Variants in CRYBG1 observed in about 807,000 individuals in gnomAD.
CRYBG1 encodes crystallin beta-gamma domain containing 1.
CRYBG1 carries 139 observed loss-of-function variants against 189.2 expected under a neutral mutation model. That is an observed-to-expected ratio of 0.73 (90% CI 0.64 to 0.85). The LOEUF (loss-of-function observed/expected upper bound fraction) is 0.85. Among genes scored for constraint, CRYBG1 ranks in the 40% least tolerant of loss-of-function variants. The probability of loss-of-function intolerance (pLI) is 0.00; values close to 1 mark genes in which losing one functional copy is unlikely to be tolerated. For missense variants in CRYBG1, 2,611 were observed against 2,675.8 expected (o/e 0.98, Z 0.53); for synonymous variants, 1,023 against 1,017.1 (o/e 1.01, Z -0.11).
At chr6:106,363,859 GCAAAAACCT>G (rs1771928043) in intron 1 of CRYBG1, among the ~76,000 whole-genome samples, 1 of 152,086 alleles carries the variant, frequency 6.6e-6, no homozygotes, top group Non-Finnish European at 1.5e-5. Flanking sequence ...GTTATTAAGT[GCAAAAACCT>G]TAACACACTT....
chr6:106,497,634 G>C (rs144447596), intron 2 of CRYBG1, among the ~76,000 whole-genome samples: 1 of 152,240 alleles, frequency 6.6e-6, no homozygotes, highest in Non-Finnish European at 1.5e-5. Flanking sequence ...TAGAAGAAGA[G>C]AAAGAGCACA....
intron 2 of CRYBG1, among the ~76,000 whole-genome samples, chr6:106,458,635 G>A (rs13197093): frequency 0.077 from 11,688 of 152,162 alleles, 717 homozygotes; most frequent in East Asian, 0.25. Flanking sequence ...TGTAACAAAT[G>A]CACAGTATTT....
chr6:106,463,925 C>T (rs1347563977), intron 2 of CRYBG1, among the ~76,000 whole-genome samples: 2 of 152,164 alleles, frequency 1.3e-5, no homozygotes, highest in Admixed American at 1.3e-4. Context: ...GGTTAATTAT[C>T]AGTTACCAGT....
chr6:106,525,964 T>G (rs1033102029), intron 6 of CRYBG1, among the ~76,000 whole-genome samples: 5 of 152,178 alleles, frequency 3.3e-5, no homozygotes, highest in Admixed American at 3.3e-4. Flanking sequence ...TTTGGCTAAG[T>G]AAAGAAACTG....
At chr6:106,425,685 G>A (rs1480593210) in intron 1 of CRYBG1, among the ~76,000 whole-genome samples, 5 of 152,160 alleles carry the variant, frequency 3.3e-5, no homozygotes, top group Admixed American at 2.6e-4. Flanking sequence ...AGGCTGGAGT[G>A]CAATGGCGTG....
At chr6:106,494,914 AT>A (rs1772809341) in intron 2 of CRYBG1, among the ~76,000 whole-genome samples, 2 of 152,340 alleles carry the variant, frequency 1.3e-5, no homozygotes, top group South Asian at 4.1e-4. Flanking sequence ...ATTAAATAAA[AT>A]TGACCTTGTT....
At chr6:106,554,167 C>T (rs1328143886) in intron 16 of CRYBG1, among the ~76,000 whole-genome samples, 1 of 152,120 alleles carries the variant, frequency 6.6e-6, no homozygotes, top group Non-Finnish European at 1.5e-5. Flanking sequence ...GTCAGGAAAG[C>T]CTTGGAGCAA....
intron 2 of CRYBG1, among the ~76,000 whole-genome samples, chr6:106,462,390 A>C (rs967461855): frequency 1.3e-5 from 2 of 152,002 alleles, no homozygotes; most frequent in Middle Eastern, 3.4e-3. Context: ...CGATCTCCTG[A>C]CCTCGTGATC....
chr6:106,380,635 A>G (rs1051265806), intron 1 of CRYBG1, among the ~76,000 whole-genome samples: 1 of 152,194 alleles, frequency 6.6e-6, no homozygotes, highest in Non-Finnish European at 1.5e-5. Context: ...GATCTTTGCT[A>G]ATATTAGCTA....
chr6:106,472,909 T>TA (rs34714366), intron 2 of CRYBG1, among the ~76,000 whole-genome samples: 52,341 of 137,038 alleles, frequency 0.38, 9,726 homozygotes, highest in East Asian at 0.48. Flanking sequence ...GTCTCAAAAT[T>TA]AAAAAAAAAA....
chr6:106,462,134 C>G (rs1472273311), intron 2 of CRYBG1, among the ~76,000 whole-genome samples: 1 of 150,630 alleles, frequency 6.6e-6, no homozygotes, highest in Non-Finnish European at 1.5e-5. Context: ...TCTTTTTTTT[C>G]TGAAGTTTTT....
intron 2 of CRYBG1, among the ~76,000 whole-genome samples, chr6:106,488,263 G>T (rs1772634780): frequency 6.6e-6 from 1 of 152,190 alleles, no homozygotes. Flanking sequence ...TATCTGTCAG[G>T]TCTGGGTCAG....
At chr6:106,461,002 G>A (rs1450469175) in intron 2 of CRYBG1, among the ~76,000 whole-genome samples, 1 of 152,064 alleles carries the variant, frequency 6.6e-6, no homozygotes. Flanking sequence ...GGCTAGGCTG[G>A]TCCTGAACTC....
At chr6:106,474,839 G>A (rs764299091) in intron 2 of CRYBG1, among the ~76,000 whole-genome samples, 4 of 152,142 alleles carry the variant, frequency 2.6e-5, no homozygotes, top group Non-Finnish European at 5.9e-5. Context: ...TTTTAAAGGC[G>A]AGAAATTAGA....
In CRYBG1 at chr6:106,507,126, TG is replaced by T. The variant is rs534153866; in HGVS notation, c.313-4301del. 3.9e-5 allele frequency among the ~76,000 whole-genome samples: 6 copies of T among 152,300 alleles called. No homozygotes were observed. In the South Asian group the frequency reaches 1.2e-3, roughly 32 times the overall value. The stretch of plus-strand genomic sequence containing the variant: ...TAACAGCACTGCAGCTAGTGCTGCC[TG>T]GGCCTCTACACGCTGCTGGAATATG... On this transcript the variant is annotated intron_variant, in intron 2 of 21. Coordinates refer to ENST00000633556, the MANE Select transcript of CRYBG1 (RefSeq NM_001371242.2).
At chr6:106,410,504 C>T (rs1770909150) in intron 1 of CRYBG1, among the ~76,000 whole-genome samples, 1 of 152,162 alleles carries the variant, frequency 6.6e-6, no homozygotes, top group South Asian at 2.1e-4. Context: ...TACCATTTGA[C>T]CCAGCAATCC....
intron 11 of CRYBG1, among the ~76,000 whole-genome samples, chr6:106,543,882 T>G (rs900452929): frequency 2.6e-5 from 4 of 152,170 alleles, no homozygotes; most frequent in Non-Finnish European, 4.4e-5. Flanking sequence ...GGAAACCCCA[T>G]GTCTACTAAA....
intron 1 of CRYBG1, among the ~76,000 whole-genome samples, chr6:106,395,147 C>A (rs540237328): frequency 6.6e-6 from 1 of 151,938 alleles, no homozygotes; most frequent in Admixed American, 6.5e-5. Context: ...GTAATCCCAG[C>A]ACTTTGAGAG....
chr6:106,415,586 C>A (rs1270527405), intron 1 of CRYBG1, among the ~76,000 whole-genome samples: 4 of 151,896 alleles, frequency 2.6e-5, no homozygotes, highest in Non-Finnish European at 5.9e-5. Flanking sequence ...ATTAGCCAGG[C>A]ATGGTGGTAT....
Sources: gnomAD v4.1 joint callset for allele counts (sites outside exome capture counted in the v4.1 genomes callset) on GRCh38, gnomAD v4.1.1 for gene constraint, MANE v1.5 for transcripts, NCBI Gene and HGNC (gene_info 2026-07-23, HGNC 2026-07-21) for gene names.